RUNX2: variants seen among roughly 807,000 people sequenced by gnomAD.
RUNX2 encodes RUNX family transcription factor 2, also known as runt-related transcription factor 2.
RUNX2 carries 10 observed loss-of-function variants against 51.7 expected under a neutral mutation model. That is an observed-to-expected ratio of 0.19 (90% CI 0.12 to 0.33). The LOEUF (loss-of-function observed/expected upper bound fraction) is 0.33, where lower values mean the gene tolerates loss of function less well. Ranked by LOEUF, RUNX2 falls within the 10% of genes least tolerant of loss-of-function variation. The probability of loss-of-function intolerance (pLI) is 1.00; values close to 1 mark genes in which losing one functional copy is unlikely to be tolerated. For synonymous variants in RUNX2, 276 were observed against 273.6 expected (o/e 1.01, Z -0.09); for missense variants, 562 against 691.3 (o/e 0.81, Z 2.10).
rs1220665539 is a variant in RUNX2, at chr6:45,387,068, A to G, written c.59-35525A>G. ...GTAGGAAACAATAGAAGATGGCAGG[A>G]GAAATGCTAAAGAAGTAGAATTTTA... On this transcript the variant is annotated intron_variant, in intron 2 of 8. Transcript: ENST00000647337. 3.9e-5 allele frequency among the ~76,000 whole-genome samples: 6 copies of G among 152,344 alleles called. No individual in the cohort carries two copies. The South Asian group carries it at 8.3e-4, about 21-fold the overall frequency.
intron 2 of RUNX2, among the ~76,000 whole-genome samples, chr6:45,339,090 C>A (rs1789210704): frequency 6.6e-6 from 1 of 152,004 alleles, no homozygotes; most frequent in Non-Finnish European, 1.5e-5. Flanking sequence ...AAATATCTTG[C>A]AAACTAAGAT....
chr6:45,520,921 T>C (rs1801487403), intron 7 of RUNX2, among the ~76,000 whole-genome samples: 1 of 152,148 alleles, frequency 6.6e-6, no homozygotes, highest in Non-Finnish European at 1.5e-5. Context: ...GATTTCTCTA[T>C]GTTGGCCAGG....
At chr6:45,428,426 C>T (rs1563082175) in intron 3 of RUNX2, among the ~76,000 whole-genome samples, 1 of 152,090 alleles carries the variant, frequency 6.6e-6, no homozygotes, top group Admixed American at 6.5e-5. Context: ...CTCAGAAAAA[C>T]ATCGGGCAAT....
chr6:45,452,765 A>C (rs886537864), intron 5 of RUNX2, among the ~76,000 whole-genome samples: 2 of 152,212 alleles, frequency 1.3e-5, no homozygotes, highest in African/African-American at 4.8e-5. Context: ...TCAAGAGACC[A>C]AAGAAACAGA....
At chr6:45,367,575 C>G (rs905100940) in intron 2 of RUNX2, among the ~76,000 whole-genome samples, 9 of 152,096 alleles carry the variant, frequency 5.9e-5, no homozygotes, top group South Asian at 2.1e-4. Context: ...TTCTCAAAGA[C>G]CTCAGGAAAT....
chr6:45,439,491 G>T (rs1449456122), intron 5 of RUNX2, among the ~76,000 whole-genome samples: 2 of 152,120 alleles, frequency 1.3e-5, no homozygotes, highest in Non-Finnish European at 2.9e-5. Context: ...TCTAACTTTT[G>T]GTCAGACTAG....
chr6:45,361,325 T>G (rs1256732156), intron 2 of RUNX2, among the ~76,000 whole-genome samples: 1 of 152,108 alleles, frequency 6.6e-6, no homozygotes, highest in African/African-American at 2.4e-5. Flanking sequence ...ACTCCCAATT[T>G]TTAAAAACGT....
At chr6:45,507,929 A>G (rs776361602) in intron 6 of RUNX2, among the ~76,000 whole-genome samples, 6 of 152,208 alleles carry the variant, frequency 3.9e-5, no homozygotes, top group Non-Finnish European at 7.3e-5. Flanking sequence ...GCTAAACTCT[A>G]TATTATATTA....
At chr6:45,432,876 T>G (rs1798582519) in intron 4 of RUNX2, among the ~76,000 whole-genome samples, 1 of 152,214 alleles carries the variant, frequency 6.6e-6, no homozygotes, top group South Asian at 2.1e-4. Flanking sequence ...TATTTCCATT[T>G]TAAGTATTTT....
At position 45,398,951 on chromosome 6, in the gene RUNX2, A is replaced by C. The variant is rs576861381; in HGVS notation, c.59-23642A>C. Reference sequence around the variant, plus strand: ...TAATATAATATCTATGTAACTCTTGAGGGCTGTATTCTCTTGCAGAAAAGA... The same window carrying C: ...TAATATAATATCTATGTAACTCTTGCGGGCTGTATTCTCTTGCAGAAAAGA... On this transcript the variant is annotated intron_variant, in intron 2 of 8. Coordinates refer to ENST00000647337, the MANE Select transcript of RUNX2 (RefSeq NM_001024630.4). Among the ~76,000 whole-genome samples the C allele has an allele frequency of 1.6e-3, 248 of 152,326 alleles. 1 individual carries two copies. The highest frequency in any genetic ancestry group is 5.6e-3 in the African/African-American group (234 of 41,582).
chr6:45,388,507 C>T (rs1007291397), intron 2 of RUNX2, among the ~76,000 whole-genome samples: 1 of 152,092 alleles, frequency 6.6e-6, no homozygotes, highest in Non-Finnish European at 1.5e-5. Context: ...CTCTGGGGGG[C>T]GGAGTTCAGC....
At chr6:45,335,396 G>A (rs1418335049) in intron 2 of RUNX2, among the ~76,000 whole-genome samples, 1 of 151,138 alleles carries the variant, frequency 6.6e-6, no homozygotes, top group Non-Finnish European at 1.5e-5. Context: ...ACCTACTGCT[G>A]TATCACTATA....
At chr6:45,355,796 G>T (rs572513130) in intron 2 of RUNX2, among the ~76,000 whole-genome samples, 1 of 152,220 alleles carries the variant, frequency 6.6e-6, no homozygotes, top group Non-Finnish European at 1.5e-5. Context: ...ACTTAGAAAT[G>T]GGTTGTATTC....
rs546003258 is a variant in RUNX2, at chr6:45,499,287, C to T, written c.859+7173C>T. On this transcript the variant is annotated intron_variant, in intron 6 of 8. Coordinates refer to ENST00000647337, the MANE Select transcript of RUNX2 (RefSeq NM_001024630.4). The stretch of plus-strand genomic sequence containing the variant: ...CAGGTGGGGCAGCTGGGCAAATTTG[C>T]TGCTGCCTTGCACATGTGTGAGCAG... Among the ~76,000 whole-genome samples, 3 of 151,840 alleles carry T rather than the reference C, an allele frequency of 2.0e-5. No homozygotes were observed. The East Asian group carries it at 5.8e-4, about 29-fold the overall frequency.
intron 4 of RUNX2, among the ~76,000 whole-genome samples, chr6:45,435,633 C>T (rs150999186): frequency 0.02 from 3,009 of 152,308 alleles, 94 homozygotes; most frequent in African/African-American, 0.066. Context: ...GTTGGGATTA[C>T]AGGCGTGAGC....
chr6:45,390,759 G>A (rs1582062389), intron 2 of RUNX2, among the ~76,000 whole-genome samples: 2 of 152,212 alleles, frequency 1.3e-5, no homozygotes, highest in East Asian at 3.9e-4. Context: ...AAGGCCAATG[G>A]AAATGGAAAT....
chr6:45,536,527 A>T (rs1477742239), intron 7 of RUNX2, among the ~76,000 whole-genome samples: 4 of 152,178 alleles, frequency 2.6e-5, no homozygotes, highest in African/African-American at 7.2e-5. Flanking sequence ...GTTGGACCAC[A>T]CCTGGGGACC....
intron 7 of RUNX2, among the ~76,000 whole-genome samples, chr6:45,514,085 A>C (rs1308231539): frequency 6.6e-6 from 1 of 152,134 alleles, no homozygotes; most frequent in East Asian, 1.9e-4. Context: ...CTGTGGCTGA[A>C]GCAGATTTTG....
intron 2 of RUNX2, among the ~76,000 whole-genome samples, chr6:45,388,870 T>C (rs1371082184): frequency 6.6e-6 from 1 of 152,224 alleles, no homozygotes; most frequent in African/African-American, 2.4e-5. Flanking sequence ...ACATTTATAA[T>C]AGAGAAATAA....
Sources: allele counts gnomAD v4.1 joint callset (sites outside exome capture counted in the v4.1 genomes callset), GRCh38; gene constraint gnomAD v4.1.1; transcripts MANE v1.5; gene names NCBI Gene and HGNC (gene_info 2026-07-23, HGNC 2026-07-21).